Variants in PAX3 observed in about 807,000 individuals in gnomAD.
The protein encoded by PAX3 is paired box 3, also known as paired box protein Pax-3.
A neutral mutation model predicts 51.6 loss-of-function variants in PAX3; 14 were observed. The ratio of observed to expected loss-of-function variants is 0.27; its 90% confidence interval spans 0.18 to 0.42. The LOEUF (loss-of-function observed/expected upper bound fraction) is 0.42, where lower values mean the gene tolerates loss of function less well. Among genes scored for constraint, PAX3 ranks in the 10% least tolerant of loss-of-function variants. The pLI, the probability that PAX3 is intolerant of heterozygous loss-of-function variation, is 1.00. For synonymous variants in PAX3, 280 were observed against 253.4 expected (o/e 1.11, Z -1.00); for missense variants, 540 against 642.8 (o/e 0.84, Z 1.73).
intron 4 of PAX3, among the ~76,000 whole-genome samples, chr2:222,281,121 C>T (rs918561497): frequency 5.3e-5 from 8 of 152,328 alleles, no homozygotes; most frequent in South Asian, 2.1e-4. Flanking sequence ...AAAGTTTCCA[C>T]GCTGGATCAA....
At chr2:222,293,903 A>G (rs1214182557) in intron 4 of PAX3, 59 of 1,584,708 alleles carry the variant, frequency 3.7e-5, no homozygotes, top group Non-Finnish European at 4.8e-5. Flanking sequence ...AGCACAATTC[A>G]CAGTTCTAGA....
At chr2:222,247,607 A>ATATAG (rs1693276369) in intron 4 of PAX3, among the ~76,000 whole-genome samples, 1 of 152,086 alleles carries the variant, frequency 6.6e-6, no homozygotes, top group Non-Finnish European at 1.5e-5. Context: ...ATATCTCTTG[A>ATATAG]GTTCTAAATT....
At chr2:222,275,498 G>A (rs986075913) in intron 4 of PAX3, among the ~76,000 whole-genome samples, 3 of 151,554 alleles carry the variant, frequency 2.0e-5, no homozygotes, top group Admixed American at 6.6e-5. Flanking sequence ...TTACCATTCA[G>A]TCTTTGCAAT....
At chr2:222,239,701 A>C (rs1399389106) in intron 4 of PAX3, among the ~76,000 whole-genome samples, 1 of 152,048 alleles carries the variant, frequency 6.6e-6, no homozygotes, top group Non-Finnish European at 1.5e-5. Flanking sequence ...GATGGTTTAC[A>C]ACCTGTTCAA....
intron 4 of PAX3, among the ~76,000 whole-genome samples, chr2:222,293,339 T>G (rs997384277): frequency 2.0e-5 from 3 of 152,152 alleles, no homozygotes; most frequent in Non-Finnish European, 4.4e-5. Context: ...TTTCTTTTCC[T>G]TTCTTTCTTT....
chr2:222,265,602 G>A (rs1574716078), intron 4 of PAX3, among the ~76,000 whole-genome samples: 4 of 149,372 alleles, frequency 2.7e-5, no homozygotes, highest in Non-Finnish European at 5.9e-5. Flanking sequence ...GCAGTGAGCC[G>A]AGATCACGCC....
chr2:222,239,261 AC>A, intron 4 of PAX3, among the ~76,000 whole-genome samples: 1 of 152,038 alleles, frequency 6.6e-6, no homozygotes, highest in South Asian at 2.1e-4. Flanking sequence ...GGGTTCTGAC[AC>A]CTGCCTGGCA....
intron 4 of PAX3, among the ~76,000 whole-genome samples, chr2:222,271,893 A>G (rs1356445727): frequency 6.6e-6 from 1 of 152,242 alleles, no homozygotes; most frequent in Non-Finnish European, 1.5e-5. Flanking sequence ...TGCAAGCTGC[A>G]AAAATGCAAC....
intron 1 of PAX3, 153 bp downstream of exon 1, chr2:222,298,378 G>A (rs895339437): frequency 4.6e-6 from 3 of 646,306 alleles, no homozygotes; most frequent in Non-Finnish European, 8.2e-6. Flanking sequence ...AATCGAGTAG[G>A]TCCTCGCCCC....
chr2:222,232,337 T>G, intron 4 of PAX3, 54 bp from the exon 5 acceptor site: 1 of 1,497,820 alleles, frequency 6.7e-7, no homozygotes, highest in Non-Finnish European at 9.3e-7. Flanking sequence ...AAAATAAAAC[T>G]GAGATTGAAT....
rs71053063 is a variant in PAX3, at chr2:222,233,079, C to CAAAAAAAA, written c.587-804_587-797dup. 12 of 67,964 alleles carry CAAAAAAAA rather than the reference C, an allele frequency of 1.8e-4. 1 individual carries two copies. The highest frequency in any genetic ancestry group is 8.7e-4 in the African/African-American group (9 of 10,390). The allele number at this position is 67,964 out of a possible 1,614,324, so 4.2% of individuals were successfully genotyped here. A position where few individuals can be genotyped will look rare whatever the true frequency, so the allele number is the denominator to read the frequency against. On this transcript the variant is annotated intron_variant, in intron 4 of 8. Coordinates refer to ENST00000392070, the MANE Select transcript of PAX3 (RefSeq NM_181458.4). The stretch of plus-strand genomic sequence containing the variant: ...GCTGCTTTATTTAAGAAAGCCAATG[C>CAAAAAAAA]AAAAAAAAAAAAAAAAAAAAAAAAA...
At chr2:222,271,736 G>A (rs1202711141) in intron 4 of PAX3, among the ~76,000 whole-genome samples, 1 of 152,138 alleles carries the variant, frequency 6.6e-6, no homozygotes, top group African/African-American at 2.4e-5. Context: ...AAGCTGAGGG[G>A]TATTTGATAC....
At chr2:222,243,679 C>T (rs552805534) in intron 4 of PAX3, among the ~76,000 whole-genome samples, 4 of 152,292 alleles carry the variant, frequency 2.6e-5, no homozygotes, top group South Asian at 2.1e-4. Flanking sequence ...ATGCTTTTAA[C>T]GACACTTCCC....
chr2:222,286,771 TTGG>T lies in PAX3; in HGVS notation c.586+7393_586+7395del, dbSNP rs568807326. ...CCACTTCAACAACAGAAATTACCTG[TTGG>T]TGGTTTTTAAAAAGATTTGTCAGGA... is the stretch of plus-strand genomic sequence containing the variant. On this transcript the variant is annotated intron_variant, in intron 4 of 8. Transcript: ENST00000392070. Among the ~76,000 whole-genome samples the T allele has an allele frequency of 1.1e-4, 16 of 152,316 alleles. No individual in the cohort carries two copies. The East Asian group carries it at 3.1e-3, about 29-fold the overall frequency.
chr2:222,215,563 G>A (rs1489694941), intron 7 of PAX3, among the ~76,000 whole-genome samples: 1 of 151,970 alleles, frequency 6.6e-6, no homozygotes, highest in African/African-American at 2.4e-5. Flanking sequence ...GGCTATGTGT[G>A]TCTTGGGGGT....
chr2:222,281,075 C>A (rs1326603024), intron 4 of PAX3, among the ~76,000 whole-genome samples: 1 of 152,224 alleles, frequency 6.6e-6, no homozygotes, highest in Non-Finnish European at 1.5e-5. Context: ...CAGATGTGCC[C>A]TGTCTGCATA....
intron 4 of PAX3, among the ~76,000 whole-genome samples, chr2:222,281,067 G>A (rs1470787121): frequency 6.6e-6 from 1 of 152,206 alleles, no homozygotes; most frequent in African/African-American, 2.4e-5. Context: ...ACGTGCCCCA[G>A]ATGTGCCCTG....
At position 222,275,793 on chromosome 2, in the gene PAX3, C is replaced by G. The variant is rs544849554; in HGVS notation, c.586+18374G>C. On this transcript the variant is annotated intron_variant, in intron 4 of 8. Coordinates refer to ENST00000392070, the MANE Select transcript of PAX3 (RefSeq NM_181458.4). The stretch of plus-strand genomic sequence containing the variant: ...CAAAAGTTTTCAGATTTGAAATGCT[C>G]TCCTGTTTAATCTTCATGAGTTTTC... 4.6e-5 allele frequency among the ~76,000 whole-genome samples: 7 copies of G among 152,280 alleles called. No homozygotes were observed. The South Asian group carries it at 8.3e-4, about 18-fold the overall frequency.
At chr2:222,252,570 A>G (rs1442081178) in intron 4 of PAX3, among the ~76,000 whole-genome samples, 2 of 152,170 alleles carry the variant, frequency 1.3e-5, no homozygotes, top group East Asian at 3.9e-4. Context: ...CATCACTATC[A>G]CCATCTAAGA....
Sources: gnomAD v4.1 joint callset for allele counts (sites outside exome capture counted in the v4.1 genomes callset) on GRCh38, gnomAD v4.1.1 for gene constraint, MANE v1.5 for transcripts, NCBI Gene and HGNC (gene_info 2026-07-23, HGNC 2026-07-21) for gene names.